The following AGAP1 variants were observed in gnomAD, a reference collection of about 807,000 sequenced individuals.
AGAP1 encodes ArfGAP with GTPase domain, ankyrin repeat and PH domain 1, also known as arf-GAP with GTPase, ANK repeat and PH domain-containing protein 1.
AGAP1 carries 29 observed loss-of-function variants against 105.3 expected under a neutral mutation model. That is an observed-to-expected ratio of 0.28 (90% confidence interval 0.21 to 0.38). The LOEUF (loss-of-function observed/expected upper bound fraction) is 0.38. Among genes scored for constraint, AGAP1 ranks in the 10% least tolerant of loss-of-function variants. The pLI is 1.00. For missense variants in AGAP1, 998 were observed against 1,165.1 expected, an observed-to-expected ratio of 0.86 and a Z score of 2.09; for synonymous variants, 509 against 485.9, an observed-to-expected ratio of 1.05 and a Z score of -0.63.
At chr2:235,503,949 C>T (rs1223742164) in intron 1 of AGAP1, among the ~76,000 whole-genome samples, 1 of 152,170 alleles carries the variant, frequency 6.6e-6, no homozygotes, top group East Asian at 1.9e-4. Flanking sequence ...TACAGTGGCA[C>T]GATCGTGGCT....
Position 235,610,767 on chromosome 2 carries a change from G to A in AGAP1, c.164-98412G>A, listed in dbSNP as rs530926582. The stretch of plus-strand genomic sequence containing the variant: ...CCTGGAGTGGAAACCCTGGGCTGGG[G>A]AGGAGGTGCGCTAAGACTGGGCCAC... On this transcript the variant is annotated intron_variant, in intron 1 of 17. Coordinates refer to ENST00000304032, the MANE Select transcript of AGAP1 (RefSeq NM_001037131.3). This position sits in a 1 kb window ranked among gnomAD's most constrained non-coding sequence, Gnocchi z 4.9. 6.6e-6 allele frequency among the ~76,000 whole-genome samples: 1 copy of A among 152,086 alleles called. No individual in the cohort carries two copies. Among genetic ancestry groups the A allele is most frequent in the Non-Finnish European group, 1.5e-5 (1 of 68,022 alleles).
At chr2:235,928,907 G>A (rs1199556762) in intron 11 of AGAP1, among the ~76,000 whole-genome samples, 7 of 152,290 alleles carry the variant, frequency 4.6e-5, no homozygotes, top group South Asian at 2.1e-4. Context: ...CACCTCCCCC[G>A]GCTGCTGTGA....
rs1337354591 is a variant in AGAP1 at position 235,712,142 on chromosome 2, C to T, written c.222+2905C>T. 1.3e-5 allele frequency among the ~76,000 whole-genome samples: 2 copies of T among 152,166 alleles called. No homozygotes were observed. The highest frequency in any genetic ancestry group is 2.9e-5 in the Non-Finnish European group (2 of 68,028). Reference sequence around the variant, plus strand: ...GGTTCAAGTGATTCTCGTGCCTCAGCCTCCCAAGTAGCTGGGATGACAGGC... The same window carrying T: ...GGTTCAAGTGATTCTCGTGCCTCAGTCTCCCAAGTAGCTGGGATGACAGGC... On this transcript the variant is annotated intron_variant, in intron 2 of 17. Coordinates refer to ENST00000304032, the MANE Select transcript of AGAP1 (RefSeq NM_001037131.3). The surrounding 1 kb of genome is among the most constrained non-coding windows in gnomAD (Gnocchi z 6.0).
chr2:235,901,990 T>C lies in AGAP1; in HGVS notation c.1156-6748T>C, dbSNP rs1050346589. Among the ~76,000 whole-genome samples, 1 of 152,232 alleles carries C rather than the reference T, an allele frequency of 6.6e-6. No individual in the cohort carries two copies. Among genetic ancestry groups the C allele is most frequent in the Non-Finnish European group, 1.5e-5 (1 of 68,040 alleles). The stretch of plus-strand genomic sequence containing the variant: ...TCAAACAAAGAAAATATGTAATCCA[T>C]TTAAAATAACAATAAACCACCCATT... On this transcript the variant is annotated intron_variant, in intron 10 of 17. Transcript: ENST00000304032. This position sits in a 1 kb window ranked among gnomAD's most constrained non-coding sequence, Gnocchi z 4.3.
chr2:235,675,078 C>T (rs539056192), intron 1 of AGAP1, among the ~76,000 whole-genome samples: 5 of 151,596 alleles, frequency 3.3e-5, no homozygotes, highest in Non-Finnish European at 7.4e-5. Flanking sequence ...AACGTGAGGA[C>T]ACAGCAATTA....
At chr2:235,589,190 T>TTTTG (rs1185522039) in intron 1 of AGAP1, among the ~76,000 whole-genome samples, 3 of 47,638 alleles carry the variant, frequency 6.3e-5, no homozygotes, top group South Asian at 7.4e-4. Flanking sequence ...TAGCTTATTG[T>TTTTG]TTTGTTTTTT....
intron 1 of AGAP1, among the ~76,000 whole-genome samples, chr2:235,584,386 T>A (rs1351515001): frequency 6.6e-6 from 1 of 150,734 alleles, no homozygotes; most frequent in African/African-American, 2.4e-5. Context: ...AAATAGTATG[T>A]TCAAGTCCTA....
chr2:235,686,929 T>G (rs1342310373), intron 1 of AGAP1, among the ~76,000 whole-genome samples: 2 of 151,370 alleles, frequency 1.3e-5, no homozygotes, highest in African/African-American at 4.9e-5. Context: ...CTCCCAAATG[T>G]TGGGATTATG....
rs577808596 is a variant in AGAP1, at chr2:235,875,407, C to T, written c.1051-7938C>T. On this transcript the variant is annotated intron_variant, in intron 9 of 17. Transcript: ENST00000304032. This position sits in a 1 kb window ranked among gnomAD's most constrained non-coding sequence, Gnocchi z 4.0. ...GTCTGCTGAGAGATCTGATTCCCAG[C>T]GGACCGGCCTTCCTCACTCGATGAT... Among the ~76,000 whole-genome samples, 3 of 152,310 alleles carry T rather than the reference C, an allele frequency of 2.0e-5. No individual in the cohort carries two copies. Among genetic ancestry groups the T allele is most frequent in the East Asian group, 1.9e-4 (1 of 5,176 alleles).
rs1943790896 is a variant in AGAP1, at chr2:235,551,026, G to A, written c.163+56177G>A. ...TGGCCTCAAGTGATCCACCCACCTC[G>A]GCCTCTGAAAGTGCTGGGATTACAG... On this transcript the variant is annotated intron_variant, in intron 1 of 17. Transcript: ENST00000304032. The surrounding 1 kb of genome is among the most constrained non-coding windows in gnomAD (Gnocchi z 4.8). Among the ~76,000 whole-genome samples the A allele has an allele frequency of 6.6e-6, 1 of 152,110 alleles. No homozygotes were observed. The highest frequency in any genetic ancestry group is 1.5e-5 in the Non-Finnish European group (1 of 68,020).
At chr2:235,711,416 C>T (rs376454831) in intron 2 of AGAP1, among the ~76,000 whole-genome samples, 138 of 152,274 alleles carry the variant, frequency 9.1e-4, no homozygotes, top group African/African-American at 3.2e-3. Flanking sequence ...TGTGCTCTGC[C>T]GGTATTTTGA....
At chr2:235,803,468 G>A (rs1957684291) in intron 8 of AGAP1, among the ~76,000 whole-genome samples, 1 of 152,196 alleles carries the variant, frequency 6.6e-6, no homozygotes, top group South Asian at 2.1e-4. Context: ...GAAGTGTCTA[G>A]TCAGAGGACA....
At chr2:236,108,891 A>G (rs2059575397) in intron 16 of AGAP1, among the ~76,000 whole-genome samples, 1 of 152,170 alleles carries the variant, frequency 6.6e-6, no homozygotes, top group African/African-American at 2.4e-5. Flanking sequence ...GCCACAAGAC[A>G]GTGCTGAAAG....
At chr2:236,022,054 CAAAAAAAAAA>C (rs55810820) in intron 13 of AGAP1, among the ~76,000 whole-genome samples, 1 of 89,296 alleles carries the variant, frequency 1.1e-5, no homozygotes, top group East Asian at 3.6e-4. Context: ...GACCCTGTCT[CAAAAAAAAAA>C]AAAAAAAAAA....
intron 16 of AGAP1, among the ~76,000 whole-genome samples, chr2:236,086,199 G>T (rs776200915): frequency 2.0e-5 from 3 of 152,148 alleles, no homozygotes; most frequent in Non-Finnish European, 2.9e-5. Context: ...TAGCCTAATA[G>T]ATATTATTTC....
chr2:235,870,043 A>AGAG (rs1305827113), intron 9 of AGAP1, among the ~76,000 whole-genome samples: 4 of 152,212 alleles, frequency 2.6e-5, no homozygotes, highest in Non-Finnish European at 5.9e-5. Context: ...CACACAGGAT[A>AGAG]TGAGCACCAC....
chr2:235,772,894 T>C (rs993947643), intron 6 of AGAP1, among the ~76,000 whole-genome samples: 8 of 152,186 alleles, frequency 5.3e-5, no homozygotes, highest in African/African-American at 1.9e-4. Context: ...AGTAAAGCTG[T>C]CGGGATGGCT....
At position 235,642,941 on chromosome 2, in the gene AGAP1, G is replaced by GT. The variant is rs1947247087; in HGVS notation, c.164-66237dup. On this transcript the variant is annotated intron_variant, in intron 1 of 17. Transcript: ENST00000304032. The surrounding 1 kb of genome is among the most constrained non-coding windows in gnomAD (Gnocchi z 4.1). ...GCTGCCATGACAAGGCACGGTGGTG[G>GT]TGGGGACCTGGCAAGGTACCGAACG... Among the ~76,000 whole-genome samples, 1 of 152,234 alleles carries GT rather than the reference G, an allele frequency of 6.6e-6. No homozygotes were observed. The highest frequency in any genetic ancestry group is 2.4e-5 in the African/African-American group (1 of 41,466).
At position 235,655,900 on chromosome 2, in the gene AGAP1, A is replaced by T. The variant is rs1035515961; in HGVS notation, c.164-53279A>T. ...GTTGGAATATGACCCTGGGTTTTGTATGGAAAAGGGAGGGGGCAGTGCAGG... is the reference window on the plus strand; with the variant it reads ...GTTGGAATATGACCCTGGGTTTTGTTTGGAAAAGGGAGGGGGCAGTGCAGG... On this transcript the variant is annotated intron_variant, in intron 1 of 17. Coordinates refer to ENST00000304032, the MANE Select transcript of AGAP1 (RefSeq NM_001037131.3). This position sits in a 1 kb window ranked among gnomAD's most constrained non-coding sequence, Gnocchi z 4.3. 2.6e-5 allele frequency among the ~76,000 whole-genome samples: 4 copies of T among 152,184 alleles called. No individual in the cohort carries two copies. The highest frequency in any genetic ancestry group is 2.0e-4 in the Admixed American group (3 of 15,282).
Sources: allele counts gnomAD v4.1 joint callset (sites outside exome capture counted in the v4.1 genomes callset), GRCh38; gene constraint gnomAD v4.1.1; non-coding constraint Gnocchi (gnomAD v3.1); transcripts MANE v1.5; gene names NCBI Gene and HGNC (gene_info 2026-07-23, HGNC 2026-07-21).